The following TBP variants were observed in gnomAD, a reference collection of about 807,000 sequenced individuals.
TBP encodes the protein TATA-box binding protein.
TBP carries 12 observed loss-of-function variants against 46.2 expected under a neutral mutation model. That is an observed-to-expected ratio of 0.26 (90% CI 0.17 to 0.42). The LOEUF (loss-of-function observed/expected upper bound fraction) is 0.42. Among genes scored for constraint, TBP ranks in the 10% least tolerant of loss-of-function variants. TBP has a pLI of 1.00. For missense variants in TBP, 229 were observed against 403.1 expected (o/e 0.57, Z 3.70); for synonymous variants, 157 against 148.3 (o/e 1.06, Z -0.42).
At chr6:170,565,002 C>G (rs1406685187) in intron 4 of TBP, among the ~76,000 whole-genome samples, 2 of 152,058 alleles carry the variant, frequency 1.3e-5, no homozygotes, top group South Asian at 2.1e-4. Context: ...ACTAAAAATA[C>G]AAAAATTTGC....
At chr6:170,554,576 G>A (rs1242629965) in intron 1 of TBP, 113 bp downstream of exon 1, 5 of 152,790 alleles carry the variant, frequency 3.3e-5, no homozygotes, top group Non-Finnish European at 7.3e-5. Flanking sequence ...GGCCCCTCGG[G>A]GGACGTTCCT....
In TBP at chr6:170,572,436, G is replaced by T; in HGVS notation, c.*171G>T. On this transcript the variant is annotated 3_prime_UTR_variant, in exon 8 of 8. Transcript: ENST00000392092. ...AGTGCCCACCGCGGGATGCCGGGAA[G>T]GGGCATTATTTGTGCACTGAGAACA... 1.6e-6 allele frequency: 1 copy of T among 624,874 alleles called. No homozygotes were observed. 38.7% of individuals were successfully genotyped at this position (624,874 alleles called of 1,614,324 possible). A position where few individuals can be genotyped will look rare whatever the true frequency, so the allele number is the denominator to read the frequency against.
At chr6:170,568,582 G>A (rs1173283011) in intron 5 of TBP, among the ~76,000 whole-genome samples, 1 of 151,812 alleles carries the variant, frequency 6.6e-6, no homozygotes, top group Non-Finnish European at 1.5e-5. Flanking sequence ...AGCCTCCCGA[G>A]TAGCAGAGAC....
At chr6:170,559,574 A>T (rs538497281) in intron 2 of TBP, among the ~76,000 whole-genome samples, 27 of 152,344 alleles carry the variant, frequency 1.8e-4, no homozygotes, top group Admixed American at 1.8e-3. Flanking sequence ...AGCGGAGAGG[A>T]AGCTGTAGAA....
At position 170,569,658 on chromosome 6, in the gene TBP, C is replaced by T. The variant is rs1333457265; in HGVS notation, c.724C>T (p.Gln242Ter). Residue 242 changes from glutamine to a stop codon, truncating the protein, a stop_gained, in exon 6 of 8, where the codon CAG becomes TAG. Transcript: ENST00000392092. LOFTEE classifies it high-confidence loss of function. ...LAARKYARVV[Q>*]KLGFPAKFLD... The stretch of plus-strand genomic sequence containing the variant: ...AGCAAGAAAATATGCTAGAGTTGTA[C>T]AGAAGTTGGGTTTTCCAGCTAAGTT... 5.0e-6 allele frequency: 8 copies of T among 1,614,058 alleles called. No individual in the cohort carries two copies. The highest frequency in any genetic ancestry group is 6.8e-6 in the Non-Finnish European group (8 of 1,180,002).
At chr6:170,562,295 T>C in intron 3 of TBP, 62 bp downstream of exon 3, 1 of 1,517,110 alleles carries the variant, frequency 6.6e-7, no homozygotes, top group Non-Finnish European at 9.0e-7. Context: ...ATGTTCCTGC[T>C]CTGTTTTCAG....
At chr6:170,562,415 C>G (rs1779167271) in intron 3 of TBP, among the ~76,000 whole-genome samples, 182 bp downstream of exon 3, 1 of 152,132 alleles carries the variant, frequency 6.6e-6, no homozygotes, top group Admixed American at 6.5e-5. Context: ...TCAGTGTCCT[C>G]AGTAAAAGGC....
chr6:170,568,490 C>G (rs1001355516), intron 5 of TBP, among the ~76,000 whole-genome samples: 1 of 152,120 alleles, frequency 6.6e-6, no homozygotes, highest in Admixed American at 6.5e-5. Flanking sequence ...GAGTCTCGCT[C>G]TGCGCCCAGG....
chr6:170,568,356 A>C (rs13207114), intron 5 of TBP, among the ~76,000 whole-genome samples: 1 of 151,938 alleles, frequency 6.6e-6, no homozygotes, highest in Non-Finnish European at 1.5e-5. Context: ...ATTTACCTGA[A>C]ATTTAAAAGC....
chr6:170,570,969 G>C (rs772580981), intron 6 of TBP, among the ~76,000 whole-genome samples: 1 of 152,192 alleles, frequency 6.6e-6, no homozygotes, highest in African/African-American at 2.4e-5. Flanking sequence ...TTCAATTTAA[G>C]GAGGTAAGAT....
intron 2 of TBP, among the ~76,000 whole-genome samples, chr6:170,559,466 A>G (rs1471116640): frequency 6.6e-6 from 1 of 152,222 alleles, no homozygotes; most frequent in African/African-American, 2.4e-5. Flanking sequence ...GAAAGTTTGA[A>G]TGGTCTGGAT....
intron 6 of TBP, 37 bp from the exon 7 acceptor site, chr6:170,571,373 C>A: frequency 1.4e-6 from 2 of 1,461,108 alleles, no homozygotes; most frequent in Non-Finnish European, 1.9e-6. Flanking sequence ...GCACACAAAG[C>A]TCTTGATTTC....
At chr6:170,565,555 A>G (rs1036303831) in intron 4 of TBP, among the ~76,000 whole-genome samples, 5 of 152,224 alleles carry the variant, frequency 3.3e-5, no homozygotes, top group Admixed American at 1.3e-4. Flanking sequence ...GACATGTAGC[A>G]TTCTAAGAAT....
chr6:170,554,871 ATT>A (rs781480829), intron 1 of TBP, among the ~76,000 whole-genome samples: 9 of 152,156 alleles, frequency 5.9e-5, no homozygotes, highest in Non-Finnish European at 7.3e-5. Flanking sequence ...AGACTTAAAT[ATT>A]TTGTCAGAAG....
intron 4 of TBP, among the ~76,000 whole-genome samples, chr6:170,565,978 A>G (rs1167730497): frequency 1.3e-5 from 2 of 152,052 alleles, no homozygotes; most frequent in East Asian, 3.9e-4. Context: ...GGAGGCCAAG[A>G]CAGAAGGATC....
At chr6:170,559,606 G>C (rs1026430943) in intron 2 of TBP, among the ~76,000 whole-genome samples, 4 of 152,144 alleles carry the variant, frequency 2.6e-5, no homozygotes, top group African/African-American at 9.7e-5. Flanking sequence ...AACTAGCAGA[G>C]GTTTATTCAG....
chr6:170,567,055 A>G, intron 5 of TBP, 46 bp downstream of exon 5: 3 of 1,523,220 alleles, frequency 2.0e-6, no homozygotes, highest in Non-Finnish European at 2.7e-6. Flanking sequence ...TTATGAATGA[A>G]AAGGTGATAT....
At chr6:170,571,220 T>C (rs1328935018) in intron 6 of TBP, among the ~76,000 whole-genome samples, 190 bp from the exon 7 acceptor site, 2 of 152,236 alleles carry the variant, frequency 1.3e-5, no homozygotes, top group African/African-American at 4.8e-5. Context: ...CCAGTGGTTA[T>C]CAACTGACGA....
At chr6:170,565,100 T>C (rs1381077232) in intron 4 of TBP, among the ~76,000 whole-genome samples, 1 of 152,132 alleles carries the variant, frequency 6.6e-6, no homozygotes, top group African/African-American at 2.4e-5. Context: ...GAGGTTGCAG[T>C]GAGCGGAGAT....
Sources: gnomAD v4.1 joint callset for allele counts (sites outside exome capture counted in the v4.1 genomes callset) on GRCh38, gnomAD v4.1.1 for gene constraint, MANE v1.5 for transcripts, NCBI Gene and HGNC (gene_info 2026-07-23, HGNC 2026-07-21) for gene names.